The following LRRC1 variants were observed in gnomAD, a reference collection of about 807,000 sequenced individuals.
The protein encoded by LRRC1 is leucine-rich repeat-containing protein 1.
In LRRC1, 28 loss-of-function variants were observed where a neutral mutation model predicts 69.9. The ratio of observed to expected loss-of-function variants is 0.40; its 90% CI spans 0.30 to 0.55. LRRC1 has a LOEUF of 0.55. LRRC1 is among the 20% of genes least tolerant of loss of function. LRRC1 has a pLI of 0.47. For missense variants in LRRC1, 498 were observed against 609.0 expected (o/e 0.82, Z 1.92); for synonymous variants, 236 against 240.2 (o/e 0.98, Z 0.16).
At chr6:53,865,729 C>CTTT (rs34777776) in intron 2 of LRRC1, among the ~76,000 whole-genome samples, 5 of 147,782 alleles carry the variant, frequency 3.4e-5, no homozygotes, top group African/African-American at 1.0e-4. Context: ...CTCAGTCTTT[C>CTTT]TTTTTTTTTT....
intron 4 of LRRC1, chr6:53,884,229 G>T (rs1767395115): frequency 1.9e-6 from 1 of 516,326 alleles, no homozygotes; most frequent in South Asian, 2.3e-5. Flanking sequence ...TTTGTGCTGG[G>T]CATGGTGGCT....
chr6:53,825,985 G>C (rs1450829587), intron 1 of LRRC1, among the ~76,000 whole-genome samples: 1 of 151,674 alleles, frequency 6.6e-6, no homozygotes, highest in East Asian at 2.0e-4. Context: ...TGTCCTTGAA[G>C]ATTTTTCAAG....
intron 1 of LRRC1, among the ~76,000 whole-genome samples, chr6:53,819,089 A>G (rs898404254): frequency 3.9e-5 from 6 of 152,172 alleles, no homozygotes; most frequent in South Asian, 2.1e-4. Context: ...TTAAAGCTCT[A>G]TGGGATCGGA....
At chr6:53,844,251 C>T (rs907344673) in intron 2 of LRRC1, among the ~76,000 whole-genome samples, 1 of 61,070 alleles carries the variant, frequency 1.6e-5, no homozygotes, top group Non-Finnish European at 3.6e-5. Context: ...TGCAAGGAAG[C>T]AGTGACTTTG....
intron 1 of LRRC1, among the ~76,000 whole-genome samples, chr6:53,809,484 A>G (rs1764729223): frequency 6.6e-6 from 1 of 152,216 alleles, no homozygotes; most frequent in Non-Finnish European, 1.5e-5. Flanking sequence ...ACAGGAGCAA[A>G]GCGAATCAGA....
At chr6:53,908,306 C>G (rs1177355661) in intron 10 of LRRC1, among the ~76,000 whole-genome samples, 1 of 152,188 alleles carries the variant, frequency 6.6e-6, no homozygotes, top group Non-Finnish European at 1.5e-5. Context: ...CTTACCCAGT[C>G]AGATGAGGCA....
chr6:53,813,682 T>TG (rs2127406480), intron 1 of LRRC1, among the ~76,000 whole-genome samples: 1 of 152,144 alleles, frequency 6.6e-6, no homozygotes, highest in South Asian at 2.1e-4. Context: ...ACAGGTTGGG[T>TG]TTGACTCTGC....
intron 1 of LRRC1, among the ~76,000 whole-genome samples, chr6:53,795,795 C>G (rs573911217): frequency 5.4e-4 from 82 of 152,346 alleles, no homozygotes; most frequent in South Asian, 8.3e-4. Flanking sequence ...ATCCTCCCCC[C>G]CTCCACTCCC....
At chr6:53,878,175 A>G (rs569330059) in intron 2 of LRRC1, among the ~76,000 whole-genome samples, 5 of 152,206 alleles carry the variant, frequency 3.3e-5, no homozygotes, top group African/African-American at 1.2e-4. Flanking sequence ...ACCTGCCCCC[A>G]TGATTCAATT....
chr6:53,807,646 G>C (rs1196491222), intron 1 of LRRC1, among the ~76,000 whole-genome samples: 1 of 151,086 alleles, frequency 6.6e-6, no homozygotes, highest in African/African-American at 2.4e-5. Flanking sequence ...TTGGCAGGCT[G>C]AGGCAGAAGA....
chr6:53,910,006 G>A (rs1384185960), intron 10 of LRRC1, among the ~76,000 whole-genome samples: 1 of 152,114 alleles, frequency 6.6e-6, no homozygotes, highest in Non-Finnish European at 1.5e-5. Context: ...TCTCCTCCTT[G>A]GGTGAGCTAA....
At chr6:53,804,508 G>C (rs1318018550) in intron 1 of LRRC1, among the ~76,000 whole-genome samples, 1 of 152,026 alleles carries the variant, frequency 6.6e-6, no homozygotes, top group African/African-American at 2.4e-5. Context: ...AAATTGTTTT[G>C]CTGCTTGTTC....
intron 2 of LRRC1, among the ~76,000 whole-genome samples, chr6:53,844,683 C>G (rs898194372): frequency 6.6e-6 from 1 of 152,242 alleles, no homozygotes; most frequent in African/African-American, 2.4e-5. Flanking sequence ...TTTCCCCGCT[C>G]ACTTTCAACC....
chr6:53,871,944 A>G (rs1330295931), intron 2 of LRRC1, among the ~76,000 whole-genome samples: 1 of 152,182 alleles, frequency 6.6e-6, no homozygotes, highest in Non-Finnish European at 1.5e-5. Context: ...CTGGGATTAC[A>G]GGTATGAGCT....
chr6:53,811,087 T>C (rs1463261326), intron 1 of LRRC1, among the ~76,000 whole-genome samples: 1 of 152,232 alleles, frequency 6.6e-6, no homozygotes, highest in Non-Finnish European at 1.5e-5. Context: ...CGTATTTTTT[T>C]CATTAAAAAA....
intron 1 of LRRC1, among the ~76,000 whole-genome samples, chr6:53,814,625 G>A (rs1444696782): frequency 1.3e-5 from 2 of 152,310 alleles, no homozygotes; most frequent in East Asian, 1.9e-4. Context: ...CAGCCTGGTC[G>A]GAGTATGTGC....
At chr6:53,808,248 A>G (rs1764692250) in intron 1 of LRRC1, among the ~76,000 whole-genome samples, 4 of 152,024 alleles carry the variant, frequency 2.6e-5, no homozygotes, top group Non-Finnish European at 5.9e-5. Context: ...ATGGTGAGAT[A>G]GCTTGGGGGT....
intron 1 of LRRC1, among the ~76,000 whole-genome samples, chr6:53,824,680 A>C (rs1765207900): frequency 6.6e-6 from 1 of 152,194 alleles, no homozygotes; most frequent in South Asian, 2.1e-4. Context: ...CAAATGCTGT[A>C]CTTGGTGCTA....
At chr6:53,916,234 C>T (rs1768561942) in intron 11 of LRRC1, among the ~76,000 whole-genome samples, 1 of 152,192 alleles carries the variant, frequency 6.6e-6, no homozygotes, top group Non-Finnish European at 1.5e-5. Context: ...GAGGATCTTC[C>T]TTACTTGCAG....
Sources: allele counts gnomAD v4.1 joint callset (sites outside exome capture counted in the v4.1 genomes callset), GRCh38; gene constraint gnomAD v4.1.1; transcripts MANE v1.5; gene names NCBI Gene and HGNC (gene_info 2026-07-23, HGNC 2026-07-21).